The following TERT variants were observed in gnomAD, a reference collection of about 807,000 sequenced individuals.
TERT encodes the protein telomerase catalytic subunit.
TERT carries 42 observed loss-of-function variants against 104.0 expected under a neutral mutation model. The observed-to-expected ratio is 0.40, with a 90% CI of 0.32 to 0.52. The LOEUF is 0.52. TERT is among the 20% of genes least tolerant of loss of function. The pLI is 0.43. For missense variants in TERT, 1,101 were observed against 1,610.3 expected, an observed-to-expected ratio of 0.68 and a Z score of 5.41; for synonymous variants, 781 against 725.6, an observed-to-expected ratio of 1.08 and a Z score of -1.23.
intron 7 of TERT, among the ~76,000 whole-genome samples, chr5:1,271,410 G>A (rs1009541087): frequency 6.6e-6 from 1 of 152,216 alleles, no homozygotes; most frequent in African/African-American, 2.4e-5. Flanking sequence ...GACACAGAAT[G>A]TCTCCTCTGG....
intron 2 of TERT, among the ~76,000 whole-genome samples, chr5:1,283,228 C>T (rs1750178181): frequency 1.4e-5 from 2 of 138,904 alleles, no homozygotes; most frequent in African/African-American, 5.5e-5. Context: ...GCCTGGTGAC[C>T]TCACCCCGGA....
Position 1,257,879 on chromosome 5 carries a change from A to C in TERT, c.3032+719T>G, listed in dbSNP as rs1222823725. ...TTCGGCCTCCTGGCATTCAGCTCCC[A>C]GTGGCTCGGGAGGCCTGTTGAGGTG... is the stretch of plus-strand genomic sequence containing the variant. On this transcript the variant is annotated intron_variant, in intron 13 of 15. Transcript: ENST00000310581. This position sits in a 1 kb window ranked among gnomAD's most constrained non-coding sequence, Gnocchi z 5.6. Among the ~76,000 whole-genome samples, 1 of 152,146 alleles carries C rather than the reference A, an allele frequency of 6.6e-6. No homozygotes were observed. Among genetic ancestry groups the C allele is most frequent in the Non-Finnish European group, 1.5e-5 (1 of 68,028 alleles).
At chr5:1,278,401 CAT>C (rs1749761808) in intron 6 of TERT, among the ~76,000 whole-genome samples, 2 of 151,990 alleles carry the variant, frequency 1.3e-5, no homozygotes, top group South Asian at 4.2e-4. Flanking sequence ...GACACACACA[CAT>C]GCACACCACA....
chr5:1,287,356 C>A lies in TERT; in HGVS notation c.1574-4732G>T. On this transcript the variant is annotated intron_variant, in intron 2 of 15. Transcript: ENST00000310581. This position sits in a 1 kb window ranked among gnomAD's most constrained non-coding sequence, Gnocchi z 4.3. ...CTCCAGAAAAAATTTAAAAATTAGCCAGGTGTAGCGGTGCGTGTCTGCAGT... is the reference window on the plus strand; with the variant it reads ...CTCCAGAAAAAATTTAAAAATTAGCAAGGTGTAGCGGTGCGTGTCTGCAGT... Among the ~76,000 whole-genome samples the A allele has an allele frequency of 6.6e-6, 1 of 151,810 alleles. No homozygotes were observed. The highest frequency in any genetic ancestry group is 1.9e-4 in the East Asian group (1 of 5,184).
rs1300927173 is a variant in TERT, at chr5:1,294,972, G to A, written c.18C>T (p.Arg6=). The part of the protein sequence containing the change: MPRAP[R]CRAVRSLLRS... ...GCAGCAGGGAGCGCACGGCTCGGCAGCGGGGAGCGCGCGGCATCGCGGGGG... is the reference window on the plus strand; with the variant it reads ...GCAGCAGGGAGCGCACGGCTCGGCAACGGGGAGCGCGCGGCATCGCGGGGG... The change falls in exon 1 of 16, where the codon CGC becomes CGT. Residue 6 remains arginine, a synonymous_variant. Coordinates refer to ENST00000310581, the MANE Select transcript of TERT (RefSeq NM_198253.3). 3 of 1,332,168 alleles carry A rather than the reference G, an allele frequency of 2.3e-6. No homozygotes were observed. The South Asian group carries it at 6.4e-5, about 28-fold the overall frequency. 82.5% of individuals were successfully genotyped at this position (1,332,168 alleles called of 1,614,324 possible).
rs1579545217 is a variant in TERT, at chr5:1,256,484, A to C, written c.3033-1073T>G. Among the ~76,000 whole-genome samples the C allele has an allele frequency of 1.7e-5, 2 of 119,942 alleles. No homozygotes were observed. Among genetic ancestry groups the C allele is most frequent in the African/African-American group, 3.4e-5 (1 of 29,096 alleles). The allele number at this position is 119,942 out of a possible 152,430, so 78.7% of individuals were successfully genotyped here. A position where few individuals can be genotyped will look rare whatever the true frequency, so the allele number is the denominator to read the frequency against. On this transcript the variant is annotated intron_variant, in intron 13 of 15. Transcript: ENST00000310581. The surrounding 1 kb of genome is among the most constrained non-coding windows in gnomAD (Gnocchi z 7.0). ...CTGAGCCCCCCGTGTACCTCATCTC[A>C]CCCAGTGCCTGAGCCCCCCATGTAC...
chr5:1,282,611 A>G lies in TERT; in HGVS notation c.1587T>C (p.Val529=). 1 of 1,614,050 alleles carries G rather than the reference A, an allele frequency of 6.2e-7. No homozygotes were observed. The highest frequency in any genetic ancestry group is 8.5e-7 in the Non-Finnish European group (1 of 1,180,004). Residue 529 remains valine, a synonymous_variant, in exon 3 of 16, where the codon GTT becomes GTC. Coordinates refer to ENST00000310581, the MANE Select transcript of TERT (RefSeq NM_198253.3). ...WLRRSPGVGC[V]PAAEHRLREE... is the part of the protein sequence containing the mutation. ...CACGCAGACGGTGCTCTGCGGCCGG[A>G]ACACAGCCAACCCCTTAAACGAGAA...
At chr5:1,276,270 C>A (rs1475928861) in intron 6 of TERT, among the ~76,000 whole-genome samples, 1 of 148,034 alleles carries the variant, frequency 6.8e-6, no homozygotes, top group African/African-American at 2.5e-5. Flanking sequence ...AGATCTCCAC[C>A]TACACCACAC....
chr5:1,289,590 C>T (rs71593399), intron 2 of TERT, among the ~76,000 whole-genome samples: 1 of 97,832 alleles, frequency 1.0e-5, no homozygotes, highest in Non-Finnish European at 2.0e-5. Flanking sequence ...CCGGGGACGG[C>T]GCCTCACTCA....
chr5:1,279,745 T>C (rs1454373078), intron 4 of TERT, among the ~76,000 whole-genome samples: 2 of 152,056 alleles, frequency 1.3e-5, no homozygotes, highest in African/African-American at 4.8e-5. Context: ...GCCACAGGGG[T>C]GGGGTGCAGG....
At chr5:1,279,834 C>T (rs1054034091) in intron 4 of TERT, among the ~76,000 whole-genome samples, 4 of 152,176 alleles carry the variant, frequency 2.6e-5, no homozygotes, top group Non-Finnish European at 5.9e-5. Context: ...GCCCCGTAAG[C>T]GGAAGCGCAC....
Position 1,268,387 on chromosome 5 carries a change from AG to A in TERT, c.2582+132del, listed in dbSNP as rs897634462. The A allele has an allele frequency of 2.2e-5, 16 of 724,222 alleles. No homozygotes were observed. The highest frequency in any genetic ancestry group is 1.6e-4 in the African/African-American group (9 of 57,056). 44.9% of individuals were successfully genotyped at this position (724,222 alleles called of 1,614,324 possible). A position where few individuals can be genotyped will look rare whatever the true frequency, so the allele number is the denominator to read the frequency against. ...CCTCCCGTGCGGCTTCATACCAAGA[AG>A]GGGCTGCAACCTTGTCTGGTTCCTC... On this transcript the variant is annotated intron_variant, in intron 9 of 15. Transcript: ENST00000310581. The surrounding 1 kb of genome is among the most constrained non-coding windows in gnomAD (Gnocchi z 5.5).
Position 1,263,529 on chromosome 5 carries a change from G to A in TERT, c.2843+875C>T, listed in dbSNP as rs1466136350. 4.0e-5 allele frequency among the ~76,000 whole-genome samples: 6 copies of A among 151,850 alleles called. No individual in the cohort carries two copies. Among genetic ancestry groups the A allele is most frequent in the South Asian group, 2.1e-4 (1 of 4,814 alleles). On this transcript the variant is annotated intron_variant, in intron 11 of 15. Coordinates refer to ENST00000310581, the MANE Select transcript of TERT (RefSeq NM_198253.3). The surrounding 1 kb of genome is among the most constrained non-coding windows in gnomAD (Gnocchi z 5.3). ...AATGATTCTCCTGCCTCAGCCTCCC[G>A]CATAGCGGGGACTACAGGCGTGTGC...
chr5:1,253,855 G>A lies in TERT; in HGVS notation c.3296-24C>T, dbSNP rs375534345. The A allele has an allele frequency of 9.2e-5, 147 of 1,595,816 alleles. No individual in the cohort carries two copies. The African/African-American group carries it at 1.3e-3, about 15-fold the overall frequency. ...GGCTGCGGGGCCAAAATCAGACTCC[G>A]TTCCAGAAGAGGCCAGAGGTGGCAT... is the stretch of plus-strand genomic sequence containing the variant. On this transcript the variant is annotated intron_variant, in intron 15 of 15. Transcript: ENST00000310581.
Position 1,256,875 on chromosome 5 carries a change from G to A in TERT, c.3033-1464C>T, listed in dbSNP as rs1018373106. ...AGGTCGGGGCGTCCACCCCAAGCCC[G>A]TGTGGAGGCGCGGCCAGCACGGGCC... On this transcript the variant is annotated intron_variant, in intron 13 of 15. Coordinates refer to ENST00000310581, the MANE Select transcript of TERT (RefSeq NM_198253.3). The surrounding 1 kb of genome is among the most constrained non-coding windows in gnomAD (Gnocchi z 7.0). Among the ~76,000 whole-genome samples the A allele has an allele frequency of 2.0e-5, 3 of 152,166 alleles. No individual in the cohort carries two copies. The highest frequency in any genetic ancestry group is 4.8e-5 in the African/African-American group (2 of 41,434).
rs539937741 is a variant in TERT, at chr5:1,265,945, C to T, written c.2654+519G>A. ...TCTGAAACCCACTCCTAGCCATCTC[C>T]GTGGTTCAAGACAGCAGCACTCAGC... On this transcript the variant is annotated intron_variant, in intron 10 of 15. Coordinates refer to ENST00000310581, the MANE Select transcript of TERT (RefSeq NM_198253.3). This position sits in a 1 kb window ranked among gnomAD's most constrained non-coding sequence, Gnocchi z 6.9. Among the ~76,000 whole-genome samples, 2 of 152,298 alleles carry T rather than the reference C, an allele frequency of 1.3e-5. No homozygotes were observed. The highest frequency in any genetic ancestry group is 4.8e-5 in the African/African-American group (2 of 41,558).
chr5:1,268,859 T>C lies in TERT; in HGVS notation c.2469-226A>G, dbSNP rs985870792. ...CGGCTGAAACAGATCCAGCCACAGG[T>C]GTGACCACATCCTTGCTCTGAATCA... On this transcript the variant is annotated intron_variant, in intron 8 of 15. Transcript: ENST00000310581. This position sits in a 1 kb window ranked among gnomAD's most constrained non-coding sequence, Gnocchi z 5.5. Among the ~76,000 whole-genome samples, 1 of 152,220 alleles carries C rather than the reference T, an allele frequency of 6.6e-6. No individual in the cohort carries two copies. The highest frequency in any genetic ancestry group is 1.5e-5 in the Non-Finnish European group (1 of 68,034).
In TERT at chr5:1,257,598, T is replaced by C. The variant is rs907750757; in HGVS notation, c.3032+1000A>G. 6.6e-6 allele frequency among the ~76,000 whole-genome samples: 1 copy of C among 152,198 alleles called. No homozygotes were observed. Among genetic ancestry groups the C allele is most frequent in the Non-Finnish European group, 1.5e-5 (1 of 68,036 alleles). ...CTGAGACAGCCTGGTCCCAAGCCTC[T>C]GGAGCTGGTGCAAAGGCGGTAACAT... On this transcript the variant is annotated intron_variant, in intron 13 of 15. Coordinates refer to ENST00000310581, the MANE Select transcript of TERT (RefSeq NM_198253.3). This position sits in a 1 kb window ranked among gnomAD's most constrained non-coding sequence, Gnocchi z 5.6.
chr5:1,266,194 C>T (rs1286264047), intron 10 of TERT, among the ~76,000 whole-genome samples: 3 of 152,188 alleles, frequency 2.0e-5, no homozygotes, highest in Non-Finnish European at 4.4e-5. Context: ...CAGCAGGAGC[C>T]AGGTCACCGC....
Sources: allele counts gnomAD v4.1 joint callset (sites outside exome capture counted in the v4.1 genomes callset), GRCh38; gene constraint gnomAD v4.1.1; non-coding constraint Gnocchi (gnomAD v3.1); transcripts MANE v1.5; gene names NCBI Gene and HGNC (gene_info 2026-07-23, HGNC 2026-07-21).